Variants in MCF2 observed in about 807,000 individuals in gnomAD.
MCF2 encodes the protein proto-oncogene DBL.
In MCF2, 44 loss-of-function variants were observed where a neutral mutation model predicts 82.5. The ratio of observed to expected loss-of-function variants is 0.53; its 90% CI spans 0.42 to 0.69. MCF2 has a LOEUF of 0.69. Ranked by LOEUF, MCF2 falls within the 30% of genes least tolerant of loss-of-function variation. MCF2 has a pLI of 0.00. For missense variants in MCF2, 623 were observed against 663.1 expected (o/e 0.94, Z 0.66); for synonymous variants, 217 against 224.9 (o/e 0.96, Z 0.32).
At position 139,615,013 on chromosome X, in the gene MCF2, G is replaced by A; in HGVS notation, c.1231C>T (p.Arg411Ter). The A allele has an allele frequency of 8.3e-7, 1 of 1,208,948 alleles. No homozygotes were observed. Among genetic ancestry groups the A allele is most frequent in the Non-Finnish European group, 1.1e-6 (1 of 893,589 alleles). Residue 411 changes from arginine (R) to a stop codon, truncating the protein, a stop_gained, in exon 10 of 25, where the codon CGA becomes TGA. Transcript: ENST00000370576. LOFTEE classifies it high-confidence loss of function. Reference sequence around the variant, plus strand: ...GCCTGCTGGTTCTCAAATATACTTCGAATGTTTTCAAGCTTGAGTTGTATA... The same window carrying A: ...GCCTGCTGGTTCTCAAATATACTTCAAATGTTTTCAAGCTTGAGTTGTATA...
intron 1 of MCF2, among the ~76,000 whole-genome samples, chrX:139,676,638 T>TA (rs1328962705): frequency 9.0e-6 from 1 of 111,684 alleles, no homozygotes; most frequent in Non-Finnish European, 1.9e-5. Context: ...CTTTTATTGG[T>TA]AAAGTGGAAA....
chrX:139,598,161 AAC>A (rs1232372859), intron 17 of MCF2, among the ~76,000 whole-genome samples: 1 of 111,959 alleles, frequency 8.9e-6, no homozygotes, highest in East Asian at 2.8e-4. Flanking sequence ...TGCGGAAATC[AAC>A]ACAACTTGTA....
chrX:139,697,312 G>A (rs924532953), intron 1 of MCF2, among the ~76,000 whole-genome samples: 2 of 111,671 alleles, frequency 1.8e-5, no homozygotes, highest in African/African-American at 6.5e-5. Context: ...ATGAAAACAG[G>A]GCTGATACAT....
intron 1 of MCF2, among the ~76,000 whole-genome samples, chrX:139,676,595 C>T (rs766400977): frequency 8.9e-6 from 1 of 111,902 alleles, no homozygotes; most frequent in African/African-American, 3.2e-5. Flanking sequence ...GTTATGTGAC[C>T]TTGGGCAAGC....
Position 139,589,823 on chromosome X carries a change from C to G in MCF2, c.2370+12G>C, listed in dbSNP as rs753218397. ...AGGTTTGGGTTTCTAGAAGAATTTT[C>G]AAATGACCAACCTGGACAATATAAA... On this transcript the variant is annotated intron_variant, in intron 20 of 24. Transcript: ENST00000370576. 8.7e-7 allele frequency: 1 copy of G among 1,152,456 alleles called. No individual in the cohort carries two copies. Among genetic ancestry groups the G allele is most frequent in the South Asian group, 1.9e-5 (1 of 51,472 alleles). The allele number at this position is 1,152,456 out of a possible 1,213,427, so 95.0% of individuals were successfully genotyped here. A position where few individuals can be genotyped will look rare whatever the true frequency, so the allele number is the denominator to read the frequency against.
intron 24 of MCF2, among the ~76,000 whole-genome samples, chrX:139,584,324 G>T (rs894807136): frequency 9.1e-6 from 1 of 109,721 alleles, no homozygotes; most frequent in Non-Finnish European, 1.9e-5. Context: ...TAGTAGAGAC[G>T]AGGTTTACCC....
intron 6 of MCF2, among the ~76,000 whole-genome samples, chrX:139,622,119 G>A (rs1318050201): frequency 3.3e-4 from 37 of 111,614 alleles, no homozygotes; most frequent in African/African-American, 6.2e-4. Context: ...GCCAAAAAAC[G>A]CATGAAAAAA....
intron 1 of MCF2, among the ~76,000 whole-genome samples, chrX:139,658,383 T>C (rs1225770962): frequency 9.0e-6 from 1 of 111,075 alleles, no homozygotes; most frequent in Non-Finnish European, 1.9e-5. Context: ...GTGAAATTAT[T>C]TTCAGCATGG....
At chrX:139,634,623 A>T (rs1285564194) in intron 1 of MCF2, among the ~76,000 whole-genome samples, 1 of 112,194 alleles carries the variant, frequency 8.9e-6, no homozygotes, top group Non-Finnish European at 1.9e-5. Context: ...TTATCAATAT[A>T]CATAAATTGG....
At chrX:139,692,089 C>A (rs1935283882) in intron 1 of MCF2, 1 of 1,162,732 alleles carries the variant, frequency 8.6e-7, no homozygotes, top group Non-Finnish European at 1.1e-6. Context: ...CCGCAGGACA[C>A]TGAGGTCCAC....
At chrX:139,604,808 G>C (rs921356027) in intron 14 of MCF2, 58 bp from the exon 19 acceptor site, 1 of 1,064,119 alleles carries the variant, frequency 9.4e-7, no homozygotes, top group African/African-American at 1.8e-5. Context: ...TAATAAACTG[G>C]TAAAGAGAGC....
intron 1 of MCF2, among the ~76,000 whole-genome samples, chrX:139,637,509 T>A (rs1310156272): frequency 9.0e-6 from 1 of 111,036 alleles, no homozygotes; most frequent in African/African-American, 3.3e-5. Context: ...GCAAAAAAAA[T>A]ACGTATATTT....
chrX:139,597,877 G>A (rs1930233271), intron 17 of MCF2, among the ~76,000 whole-genome samples: 1 of 111,326 alleles, frequency 9.0e-6, no homozygotes. Context: ...TACATGTAGG[G>A]TTCTTTTGTC....
At position 139,708,026 on chromosome X, in the gene MCF2, T is replaced by G. The variant is rs1344221975; in HGVS notation, c.-45+80A>C. The G allele has an allele frequency of 5.4e-5, 6 of 111,463 alleles. 1 individual carries two copies. Among genetic ancestry groups the G allele is most frequent in the Non-Finnish European group, 1.1e-4 (6 of 53,119 alleles). 9.2% of individuals were successfully genotyped at this position (111,463 alleles called of 1,213,427 possible). On this transcript the variant is annotated intron_variant, in intron 1 of 27. Coordinates refer to the MCF2 transcript ENST00000414978. The stretch of plus-strand genomic sequence containing the variant: ...AAATGACTGGCTATGGGGGATGCTA[T>G]CTATAAAAATATTCCAAGACTGACC...
intron 1 of MCF2, among the ~76,000 whole-genome samples, chrX:139,637,340 G>C (rs896716873): frequency 1.8e-5 from 2 of 111,233 alleles, no homozygotes; most frequent in South Asian, 7.6e-4. Context: ...GTTTAGACCA[G>C]GTGTGTTGTT....
At chrX:139,627,108 C>CT (rs1205887949) in intron 4 of MCF2, among the ~76,000 whole-genome samples, 1 of 111,491 alleles carries the variant, frequency 9.0e-6, no homozygotes, top group African/African-American at 3.3e-5. Context: ...TTTTTATTTA[C>CT]TTTTTTAGAG....
At position 139,631,512 on chromosome X, in the gene MCF2, C is replaced by G; in HGVS notation, c.172-1G>C. 1 of 1,128,863 alleles carries G rather than the reference C, an allele frequency of 8.9e-7. No homozygotes were observed. The highest frequency in any genetic ancestry group is 1.2e-6 in the Non-Finnish European group (1 of 823,324). 93.0% of individuals were successfully genotyped at this position (1,128,863 alleles called of 1,213,427 possible). A position where few individuals can be genotyped will look rare whatever the true frequency, so the allele number is the denominator to read the frequency against. On this transcript the variant is annotated splice_acceptor_variant, in intron 2 of 24. Transcript: ENST00000370576. LOFTEE classifies it high-confidence loss of function. ...CACTAACTGAGCTCAGCATAACAAC[C>G]TATATAAATAAGCAAAAAAGATACT...
At chrX:139,652,235 G>A (rs986898067) in intron 1 of MCF2, among the ~76,000 whole-genome samples, 13 of 111,559 alleles carry the variant, frequency 1.2e-4, no homozygotes, top group African/African-American at 3.9e-4. Flanking sequence ...AATCTCTAAG[G>A]TAGGTACTGT....
At chrX:139,696,469 G>A (rs1448528140) in intron 1 of MCF2, among the ~76,000 whole-genome samples, 1 of 110,420 alleles carries the variant, frequency 9.1e-6, no homozygotes, top group Non-Finnish European at 1.9e-5. Context: ...TGTCACCCAG[G>A]CTGGAGCGCA....
Sources: allele counts gnomAD v4.1 joint callset (sites outside exome capture counted in the v4.1 genomes callset), GRCh38; gene constraint gnomAD v4.1.1; transcripts MANE v1.5; gene names NCBI Gene and HGNC (gene_info 2026-07-23, HGNC 2026-07-21).